ATXN2: variants seen among roughly 807,000 people sequenced by gnomAD.
ATXN2 encodes ataxin-2.
Under a neutral mutation model 138.6 loss-of-function variants are expected in ATXN2, and 37 were observed. The observed-to-expected ratio is 0.27, with a 90% confidence interval of 0.21 to 0.35. The LOEUF is 0.35. ATXN2 is among the 10% of genes least tolerant of loss of function. ATXN2 has a pLI of 1.00. For missense variants in ATXN2, 1,216 were observed against 1,480.3 expected (o/e 0.82, Z 2.93); for synonymous variants, 549 against 543.7 (o/e 1.01, Z -0.13).
chr12:111,593,737 A>G (rs1592940023), intron 1 of ATXN2, among the ~76,000 whole-genome samples: 1 of 152,230 alleles, frequency 6.6e-6, no homozygotes, highest in East Asian at 1.9e-4. Flanking sequence ...AGCCCAAAAG[A>G]AAAACAAAAC....
At chr12:111,553,854 A>G (rs1379983970) in intron 3 of ATXN2, among the ~76,000 whole-genome samples, 1 of 151,804 alleles carries the variant, frequency 6.6e-6, no homozygotes, top group East Asian at 1.9e-4. Context: ...GCCCACCTCA[A>G]ACTCCCAAAG....
chr12:111,482,565 A>G (rs987285439), intron 18 of ATXN2, among the ~76,000 whole-genome samples: 9 of 152,156 alleles, frequency 5.9e-5, no homozygotes, highest in Non-Finnish European at 1.0e-4. Context: ...TCAGATAGCC[A>G]AACTGTCATG....
At chr12:111,555,716 C>T (rs993458337) in intron 2 of ATXN2, among the ~76,000 whole-genome samples, 167 bp downstream of exon 2, 6 of 151,766 alleles carry the variant, frequency 4.0e-5, no homozygotes, top group African/African-American at 1.2e-4. Context: ...ACATTTTATA[C>T]AGAGTCATTA....
chr12:111,479,385 T>G (rs1372808629), intron 18 of ATXN2, among the ~76,000 whole-genome samples: 5 of 112,792 alleles, frequency 4.4e-5, no homozygotes, highest in Non-Finnish European at 8.4e-5. Context: ...AAATCCCGTC[T>G]CTGCTAAAAA....
intron 5 of ATXN2, among the ~76,000 whole-genome samples, chr12:111,533,109 T>C (rs958943025): frequency 6.6e-6 from 1 of 152,218 alleles, no homozygotes; most frequent in Non-Finnish European, 1.5e-5. Context: ...AAGCAGTTCC[T>C]TCCGAGTGAT....
In ATXN2 at chr12:111,581,650, C is replaced by T. The variant is rs553911768; in HGVS notation, c.251+17134G>A. 2.2e-4 allele frequency: 167 copies of T among 745,914 alleles called. 2 individuals carry two copies. The highest frequency in any genetic ancestry group is 9.5e-4 in the Admixed American group (54 of 56,574). 46.2% of individuals were successfully genotyped at this position (745,914 alleles called of 1,614,324 possible). ...AGTCTAGGGACAAGAAGATGGTTGG[C>T]GACCTGATCAGGGCCCAGGCCTATG... On this transcript the variant is annotated intron_variant, in intron 1 of 24. Transcript: ENST00000673436.
rs1040320670 is a variant in ATXN2, at chr12:111,452,515, C to G, written c.*297G>C. ...TGCTAGCTGATGTGTTCATGACTTTCAAGGGTTATTAAAAAATAAATAACT... is the reference window on the plus strand; with the variant it reads ...TGCTAGCTGATGTGTTCATGACTTTGAAGGGTTATTAAAAAATAAATAACT... On this transcript the variant is annotated 3_prime_UTR_variant, in exon 25 of 25. Coordinates refer to ENST00000673436, the MANE Select transcript of ATXN2 (RefSeq NM_001372574.1). The G allele has an allele frequency of 1.2e-4, 33 of 273,540 alleles. No homozygotes were observed. Among genetic ancestry groups the G allele is most frequent in the African/African-American group, 6.9e-4 (30 of 43,538 alleles). 16.9% of individuals were successfully genotyped at this position (273,540 alleles called of 1,614,324 possible).
intron 23 of ATXN2, chr12:111,454,971 G>A (rs1179310426): frequency 1.4e-6 from 1 of 696,918 alleles, no homozygotes; most frequent in Non-Finnish European, 2.6e-6. Context: ...CAACTGCAGT[G>A]CGCTACACCA....
At chr12:111,583,766 C>A (rs1458295896) in intron 1 of ATXN2, among the ~76,000 whole-genome samples, 151 of 58,096 alleles carry the variant, frequency 2.6e-3, no homozygotes, top group East Asian at 5.1e-3. Flanking sequence ...GACTCCGACT[C>A]AAAAAAAAAA....
chr12:111,453,494 G>A lies in ATXN2; in HGVS notation c.3439+183C>T. On this transcript the variant is annotated intron_variant, in intron 24 of 24. Transcript: ENST00000673436. This position sits in a 1 kb window ranked among gnomAD's most constrained non-coding sequence, Gnocchi z 5.4. ...TACCATCAGAACACACACAGACTCG[G>A]CTCCCGGAAGCCTCAGGCCCTGATG... 1 of 1,334,340 alleles carries A rather than the reference G, an allele frequency of 7.5e-7. No individual in the cohort carries two copies. The highest frequency in any genetic ancestry group is 3.7e-5 in the Admixed American group (1 of 26,922). 82.7% of individuals were successfully genotyped at this position (1,334,340 alleles called of 1,614,324 possible). A position where few individuals can be genotyped will look rare whatever the true frequency, so the allele number is the denominator to read the frequency against.
At chr12:111,525,686 ATT>A (rs11346498) in intron 5 of ATXN2, among the ~76,000 whole-genome samples, 371 of 139,462 alleles carry the variant, frequency 2.7e-3, no homozygotes, top group African/African-American at 8.0e-3. Flanking sequence ...CACACGAAGC[ATT>A]TTTTTTTTTT....
chr12:111,493,146 C>T (rs375979715), intron 14 of ATXN2, among the ~76,000 whole-genome samples: 1 of 152,044 alleles, frequency 6.6e-6, no homozygotes, highest in African/African-American at 2.4e-5. Context: ...AAGTTGGGCA[C>T]GATGACTCAC....
chr12:111,585,360 A>G (rs765533412), intron 1 of ATXN2, among the ~76,000 whole-genome samples: 4 of 151,646 alleles, frequency 2.6e-5, no homozygotes, highest in Non-Finnish European at 4.4e-5. Context: ...TAAAAATACA[A>G]AAATTATCCG....
intron 5 of ATXN2, among the ~76,000 whole-genome samples, chr12:111,540,459 A>G (rs1260962650): frequency 6.6e-6 from 1 of 150,668 alleles, no homozygotes; most frequent in African/African-American, 2.4e-5. Flanking sequence ...AGTAGTAGTA[A>G]TCTTTCTCAC....
At chr12:111,503,428 T>C (rs964998909) in intron 14 of ATXN2, among the ~76,000 whole-genome samples, 4 of 152,164 alleles carry the variant, frequency 2.6e-5, no homozygotes, top group African/African-American at 7.2e-5. Flanking sequence ...TTGACAGAGA[T>C]GTTAGACAAG....
chr12:111,556,574 T>C (rs997931882), intron 1 of ATXN2, among the ~76,000 whole-genome samples: 1 of 151,774 alleles, frequency 6.6e-6, no homozygotes, highest in Non-Finnish European at 1.5e-5. Context: ...TCCCAGCACT[T>C]TGGGAGGCAG....
intron 1 of ATXN2, among the ~76,000 whole-genome samples, chr12:111,562,813 G>A (rs975894743): frequency 6.6e-6 from 1 of 151,498 alleles, no homozygotes; most frequent in African/African-American, 2.4e-5. Flanking sequence ...ACTGTTTCAG[G>A]CAAAAGTGTC....
rs542796889 is a variant in ATXN2 at position 111,523,518 on chromosome 12, G to A, written c.696+1674C>T. ...GTGGGCAGATCACCTGAGGTCAGGA[G>A]TTCAAGACCAGCCTGGCCAACATAT... is the stretch of plus-strand genomic sequence containing the variant. On this transcript the variant is annotated intron_variant, in intron 6 of 24. Transcript: ENST00000673436. 1.3e-3 allele frequency among the ~76,000 whole-genome samples: 192 copies of A among 152,222 alleles called. 5 individuals are homozygous for A. In the South Asian group the frequency reaches 0.04, roughly 31 times the overall value.
chr12:111,464,800 T>C (rs1227102921), intron 20 of ATXN2, 85 bp from the exon 21 acceptor site: 2 of 1,049,604 alleles, frequency 1.9e-6, no homozygotes, highest in African/African-American at 1.6e-5. Context: ...TATTAGTAAT[T>C]TCTTTTTGTA....
Sources: gnomAD v4.1 joint callset for allele counts (sites outside exome capture counted in the v4.1 genomes callset) on GRCh38, gnomAD v4.1.1 for gene constraint, Gnocchi (gnomAD v3.1) non-coding constraint, MANE v1.5 for transcripts, NCBI Gene and HGNC (gene_info 2026-07-23, HGNC 2026-07-21) for gene names.